HECW2: variants seen among roughly 807,000 people sequenced by gnomAD.
HECW2 encodes HECT, C2 and WW domain containing E3 ubiquitin protein ligase 2, also known as E3 ubiquitin-protein ligase HECW2.
In HECW2, 61 loss-of-function variants were observed where a neutral mutation model predicts 175.2. That is an observed-to-expected ratio of 0.35 (90% CI 0.28 to 0.43). HECW2 has a LOEUF of 0.43. Ranked by LOEUF, HECW2 falls within the 20% of genes least tolerant of loss-of-function variation. The pLI is 1.00. For missense variants in HECW2, 1,524 were observed against 2,000.5 expected (o/e 0.76, Z 4.54); for synonymous variants, 671 against 731.0 (o/e 0.92, Z 1.32).
At chr2:196,497,169 T>C (rs763953897) in intron 1 of HECW2, among the ~76,000 whole-genome samples, 5 of 152,202 alleles carry the variant, frequency 3.3e-5, no homozygotes, top group Non-Finnish European at 5.9e-5. Context: ...CCCCAAAATA[T>C]GCATGCTAAA....
chr2:196,535,165 A>G (rs1198747468), intron 1 of HECW2, among the ~76,000 whole-genome samples: 1 of 152,234 alleles, frequency 6.6e-6, no homozygotes. Flanking sequence ...ATAAGAGAGA[A>G]AAATAGATTT....
intron 24 of HECW2, among the ~76,000 whole-genome samples, chr2:196,221,768 T>C (rs1471374653): frequency 1.3e-5 from 2 of 152,058 alleles, no homozygotes; most frequent in African/African-American, 2.4e-5. Context: ...CCATGTTGCC[T>C]AGGCTGGTCC....
intron 19 of HECW2, among the ~76,000 whole-genome samples, chr2:196,244,205 G>C (rs563070239): frequency 1.5e-4 from 23 of 152,222 alleles, no homozygotes; most frequent in African/African-American, 5.5e-4. Context: ...GGAGTGGGTT[G>C]GGGAAACAGA....
intron 1 of HECW2, among the ~76,000 whole-genome samples, chr2:196,530,107 G>C (rs1460522701): frequency 6.6e-6 from 1 of 152,152 alleles, no homozygotes; most frequent in Non-Finnish European, 1.5e-5. Flanking sequence ...ATTTACAAAT[G>C]GCAACACTTG....
At position 196,200,480 on chromosome 2, in the gene HECW2, G is replaced by A. The variant is rs1026462286; in HGVS notation, c.*797C>T. The A allele has an allele frequency of 6.6e-6, 1 of 152,558 alleles. No individual in the cohort carries two copies. Among genetic ancestry groups the A allele is most frequent in the Non-Finnish European group, 1.5e-5 (1 of 68,014 alleles). 9.5% of individuals were successfully genotyped at this position (152,558 alleles called of 1,614,324 possible). A position where few individuals can be genotyped will look rare whatever the true frequency, so the allele number is the denominator to read the frequency against. ...GGTAGGTTCTTATATACATCTTAAA[G>A]AACATAAACATAATGAACCTACAAA... is the stretch of plus-strand genomic sequence containing the variant. On this transcript the variant is annotated 3_prime_UTR_variant, in exon 29 of 29. Transcript: ENST00000644978.
intron 1 of HECW2, among the ~76,000 whole-genome samples, chr2:196,580,034 T>C (rs1690713894): frequency 1.3e-5 from 2 of 152,196 alleles, no homozygotes; most frequent in Admixed American, 1.3e-4. Context: ...GGAGTGATAA[T>C]ATTAGTATCA....
chr2:196,210,122 T>C (rs940206150), intron 28 of HECW2, among the ~76,000 whole-genome samples: 1 of 152,232 alleles, frequency 6.6e-6, no homozygotes, highest in African/African-American at 2.4e-5. Context: ...TATTTTCCGG[T>C]ATACTGGCTG....
At chr2:196,233,132 T>A (rs1688114235) in intron 21 of HECW2, among the ~76,000 whole-genome samples, 1 of 152,226 alleles carries the variant, frequency 6.6e-6, no homozygotes, top group South Asian at 2.1e-4. Flanking sequence ...ATGACTCATA[T>A]CACAGGGATT....
At chr2:196,433,497 A>C in intron 1 of HECW2, 39 bp from the exon 2 acceptor site, 1 of 1,450,714 alleles carries the variant, frequency 6.9e-7, no homozygotes, top group Admixed American at 2.2e-5. Flanking sequence ...TAGTGCTACA[A>C]TACGAAGAAT....
Position 196,330,327 on chromosome 2 carries a change from A to G in HECW2, c.496-677T>C, listed in dbSNP as rs542183909. Among the ~76,000 whole-genome samples the G allele has an allele frequency of 8.9e-4, 136 of 152,368 alleles. No individual in the cohort carries two copies. The South Asian group carries it at 0.013, about 15-fold the overall frequency. On this transcript the variant is annotated intron_variant, in intron 4 of 28. Transcript: ENST00000644978. Reference sequence around the variant, plus strand: ...CTCTCAAATTATGTACAATTAATGCACAATTTGTGGTACATTAGGAAGAAA... The same window carrying G: ...CTCTCAAATTATGTACAATTAATGCGCAATTTGTGGTACATTAGGAAGAAA...
At chr2:196,371,178 C>T (rs146324532) in intron 2 of HECW2, among the ~76,000 whole-genome samples, 4 of 152,308 alleles carry the variant, frequency 2.6e-5, no homozygotes, top group Admixed American at 1.3e-4. Flanking sequence ...CTTTGAACCA[C>T]ATTTCTAACA....
chr2:196,429,696 T>C (rs973520671), intron 2 of HECW2, among the ~76,000 whole-genome samples: 1 of 152,188 alleles, frequency 6.6e-6, no homozygotes, highest in African/African-American at 2.4e-5. Flanking sequence ...AGATCTCAGA[T>C]GGAGGACAAT....
chr2:196,280,775 CACTA>C (rs1185434988), intron 14 of HECW2, among the ~76,000 whole-genome samples: 1 of 152,160 alleles, frequency 6.6e-6, no homozygotes, highest in Non-Finnish European at 1.5e-5. Context: ...TACAATTGTC[CACTA>C]TTTCTGCCAC....
At chr2:196,554,599 T>C (rs1689732074) in intron 1 of HECW2, among the ~76,000 whole-genome samples, 1 of 152,182 alleles carries the variant, frequency 6.6e-6, no homozygotes, top group Non-Finnish European at 1.5e-5. Flanking sequence ...TCCCAGAAAC[T>C]GGGCTTTGGA....
At chr2:196,449,637 G>T (rs1424049904) in intron 1 of HECW2, among the ~76,000 whole-genome samples, 1 of 152,046 alleles carries the variant, frequency 6.6e-6, no homozygotes, top group Non-Finnish European at 1.5e-5. Context: ...TCTATTCAAA[G>T]AAATAAATCC....
intron 1 of HECW2, among the ~76,000 whole-genome samples, chr2:196,436,968 C>T (rs934163906): frequency 2.0e-5 from 3 of 152,028 alleles, no homozygotes; most frequent in African/African-American, 7.2e-5. Flanking sequence ...TTATAATGGG[C>T]TTAACCTTTT....
At chr2:196,244,466 T>C (rs1340182022) in intron 19 of HECW2, among the ~76,000 whole-genome samples, 2 of 152,222 alleles carry the variant, frequency 1.3e-5, no homozygotes, top group Non-Finnish European at 2.9e-5. Flanking sequence ...TTGCATTTCC[T>C]TGGGGATCCA....
intron 21 of HECW2, among the ~76,000 whole-genome samples, chr2:196,230,758 T>A (rs1249691508): frequency 6.6e-6 from 1 of 152,196 alleles, no homozygotes; most frequent in Non-Finnish European, 1.5e-5. Flanking sequence ...TCATCTAAAC[T>A]GCTTTAACCC....
intron 2 of HECW2, among the ~76,000 whole-genome samples, chr2:196,428,056 A>T (rs1211070027): frequency 1.3e-5 from 2 of 152,216 alleles, no homozygotes; most frequent in African/African-American, 4.8e-5. Flanking sequence ...AATGAGCCAA[A>T]CAAAAACAAA....
Sources: allele counts gnomAD v4.1 joint callset (sites outside exome capture counted in the v4.1 genomes callset), GRCh38; gene constraint gnomAD v4.1.1; transcripts MANE v1.5; gene names NCBI Gene and HGNC (gene_info 2026-07-23, HGNC 2026-07-21).